KCNIP4: variants seen among roughly 807,000 people sequenced by gnomAD.
KCNIP4 encodes the protein Kv channel-interacting protein 4.
In KCNIP4, 12 loss-of-function variants were observed where a neutral mutation model predicts 34.0. The ratio of observed to expected loss-of-function variants is 0.35; its 90% CI spans 0.23 to 0.57. KCNIP4 has a LOEUF of 0.57. Ranked by LOEUF, KCNIP4 falls within the 20% of genes least tolerant of loss-of-function variation. The probability of loss-of-function intolerance (pLI) is 0.83; values close to 1 mark genes in which losing one functional copy is unlikely to be tolerated. For missense variants in KCNIP4, 238 were observed against 311.7 expected (o/e 0.76, Z 1.78); for synonymous variants, 124 against 102.2 (o/e 1.21, Z -1.29).
intron 1 of KCNIP4, among the ~76,000 whole-genome samples, chr4:21,313,780 A>G (rs1041309457): frequency 5.3e-5 from 8 of 152,194 alleles, no homozygotes; most frequent in Non-Finnish European, 1.0e-4. Flanking sequence ...AGGGTCATCA[A>G]AACAAGCCAG....
chr4:21,339,152 T>C (rs1032808703), intron 1 of KCNIP4, among the ~76,000 whole-genome samples: 3 of 152,204 alleles, frequency 2.0e-5, no homozygotes, highest in Non-Finnish European at 2.9e-5. Flanking sequence ...CGCTGTCTAC[T>C]ATAGGGTCAC....
chr4:21,218,576 A>C (rs561353231), intron 1 of KCNIP4, among the ~76,000 whole-genome samples: 49 of 152,330 alleles, frequency 3.2e-4, no homozygotes, highest in Non-Finnish European at 5.6e-4. Flanking sequence ...TAAAACACAC[A>C]TTCTTTATCA....
At chr4:21,017,741 G>C (rs960385341) in intron 1 of KCNIP4, among the ~76,000 whole-genome samples, 2 of 152,100 alleles carry the variant, frequency 1.3e-5, no homozygotes, top group East Asian at 1.9e-4. Context: ...CGTATTTCCA[G>C]TTCTAGGTCT....
chr4:21,116,269 C>T (rs1181464979), intron 1 of KCNIP4, among the ~76,000 whole-genome samples: 2 of 152,182 alleles, frequency 1.3e-5, no homozygotes, highest in Non-Finnish European at 2.9e-5. Context: ...GCATGCATGC[C>T]CTTGGAATCC....
At chr4:21,032,276 G>A (rs1466148422) in intron 1 of KCNIP4, among the ~76,000 whole-genome samples, 1 of 152,084 alleles carries the variant, frequency 6.6e-6, no homozygotes, top group Admixed American at 6.6e-5. Flanking sequence ...GTTTGCGCTG[G>A]GCTTAGAGGC....
At chr4:21,593,616 G>C (rs1167718218) in intron 1 of KCNIP4, among the ~76,000 whole-genome samples, 1 of 152,020 alleles carries the variant, frequency 6.6e-6, no homozygotes, top group East Asian at 1.9e-4. Context: ...TCCATGCCAA[G>C]TCATCTCTCC....
chr4:21,071,611 T>C (rs1000360281), intron 1 of KCNIP4, among the ~76,000 whole-genome samples: 13 of 152,212 alleles, frequency 8.5e-5, no homozygotes, highest in African/African-American at 2.9e-4. Flanking sequence ...TGTGTATATA[T>C]ATCTGTTGGG....
intron 2 of KCNIP4, among the ~76,000 whole-genome samples, chr4:20,870,923 G>A (rs897913407): frequency 6.6e-6 from 1 of 152,034 alleles, no homozygotes; most frequent in South Asian, 2.1e-4. Flanking sequence ...GTGGGGAAGG[G>A]GCTTCACAGA....
intron 1 of KCNIP4, among the ~76,000 whole-genome samples, chr4:21,537,420 C>T (rs960728312): frequency 6.6e-6 from 1 of 152,120 alleles, no homozygotes; most frequent in Admixed American, 6.5e-5. Context: ...ACCACATCAG[C>T]ACTACAATAT....
chr4:20,930,350 A>C (rs1384566471), intron 1 of KCNIP4, among the ~76,000 whole-genome samples: 1 of 152,074 alleles, frequency 6.6e-6, no homozygotes, highest in Non-Finnish European at 1.5e-5. Flanking sequence ...ACCATATACA[A>C]AAATGGACTC....
chr4:21,274,876 A>ATTTGAT (rs1011386352), intron 1 of KCNIP4, among the ~76,000 whole-genome samples: 1 of 82,826 alleles, frequency 1.2e-5, no homozygotes, highest in Non-Finnish European at 2.8e-5. Context: ...AAGATTGTTA[A>ATTTGAT]TTTGATTTTT....
At chr4:21,075,524 T>A (rs1178732363) in intron 1 of KCNIP4, among the ~76,000 whole-genome samples, 1 of 152,182 alleles carries the variant, frequency 6.6e-6, no homozygotes, top group Non-Finnish European at 1.5e-5. Context: ...ATTTTGAGCC[T>A]ATGTGTGTCT....
chr4:21,025,543 G>GTTTTTTTTTTTTTTTTTTTTTTTTTTTT (rs772689134), intron 1 of KCNIP4, among the ~76,000 whole-genome samples: 1 of 34,778 alleles, frequency 2.9e-5, no homozygotes, highest in African/African-American at 1.0e-4. Flanking sequence ...CATTGATACT[G>GTTTTTTTTTTTTTTTTTTTTTTTTTTTT]TTTTTTTTTT....
chr4:20,982,734 G>A (rs1267462677), intron 1 of KCNIP4, among the ~76,000 whole-genome samples: 1 of 152,184 alleles, frequency 6.6e-6, no homozygotes, highest in African/African-American at 2.4e-5. Flanking sequence ...CTGTATACCG[G>A]ATCTTGTTTG....
chr4:21,564,174 T>G (rs1048587679), intron 1 of KCNIP4, among the ~76,000 whole-genome samples: 1 of 152,142 alleles, frequency 6.6e-6, no homozygotes. Flanking sequence ...AGATTGTGGT[T>G]CTTTTTATTT....
chr4:21,298,479 T>A (rs1763970820), intron 1 of KCNIP4, among the ~76,000 whole-genome samples: 1 of 152,164 alleles, frequency 6.6e-6, no homozygotes, highest in African/African-American at 2.4e-5. Flanking sequence ...ATTCAAGGTC[T>A]CACTTTTTCT....
At chr4:20,988,541 G>A (rs1207428085) in intron 1 of KCNIP4, among the ~76,000 whole-genome samples, 3 of 152,044 alleles carry the variant, frequency 2.0e-5, no homozygotes, top group Admixed American at 6.6e-5. Flanking sequence ...TCTTCATACT[G>A]TTTGTTGACA....
At chr4:21,407,562 A>C (rs1441249739) in intron 1 of KCNIP4, among the ~76,000 whole-genome samples, 1 of 152,160 alleles carries the variant, frequency 6.6e-6, no homozygotes, top group Admixed American at 6.5e-5. Context: ...AAACATTGTA[A>C]GTTCTAATAC....
chr4:21,333,414 C>A (rs1243403694), intron 1 of KCNIP4, among the ~76,000 whole-genome samples: 1 of 138,876 alleles, frequency 7.2e-6, no homozygotes, highest in Admixed American at 7.3e-5. Context: ...AATTGAACAA[C>A]TACTTTCTGC....
Sources: gnomAD v4.1 joint callset for allele counts (sites outside exome capture counted in the v4.1 genomes callset) on GRCh38, gnomAD v4.1.1 for gene constraint, MANE v1.5 for transcripts, NCBI Gene and HGNC (gene_info 2026-07-23, HGNC 2026-07-21) for gene names.